SGCZ: variants seen among roughly 807,000 people sequenced by gnomAD.
The protein encoded by SGCZ is sarcoglycan zeta.
SGCZ carries 40 observed loss-of-function variants against 41.3 expected under a neutral mutation model. The ratio of observed to expected loss-of-function variants is 0.97; its 90% CI spans 0.75 to 1.26. The LOEUF (loss-of-function observed/expected upper bound fraction) is 1.26, where lower values mean the gene tolerates loss of function less well. Ranked by LOEUF, SGCZ falls within the 50% of genes most tolerant of loss-of-function variation. The probability of loss-of-function intolerance (pLI) is 0.00; values close to 1 mark genes in which losing one functional copy is unlikely to be tolerated. For missense variants in SGCZ, 552 were observed against 369.8 expected (o/e 1.49, Z -4.04); for synonymous variants, 206 against 137.5 (o/e 1.50, Z -3.49).
chr8:14,545,020 C>T (rs7822573), intron 2 of SGCZ, among the ~76,000 whole-genome samples: 7,611 of 152,184 alleles, frequency 0.05, 609 homozygotes, highest in African/African-American at 0.17. Context: ...GAAACTCAGG[C>T]GAGCATCAAG....
chr8:14,522,360 A>G (rs1185230673), intron 2 of SGCZ, among the ~76,000 whole-genome samples: 1 of 151,976 alleles, frequency 6.6e-6, no homozygotes, highest in Admixed American at 6.6e-5. Context: ...CTTCAGTGAA[A>G]TCACTTTGGA....
intron 1 of SGCZ, among the ~76,000 whole-genome samples, chr8:14,808,396 A>G (rs1801622773): frequency 1.3e-5 from 2 of 152,192 alleles, no homozygotes; most frequent in African/African-American, 2.4e-5. Context: ...AAAAAAAACA[A>G]ACAACCCCAT....
intron 1 of SGCZ, among the ~76,000 whole-genome samples, chr8:14,994,666 G>C (rs1802152787): frequency 1.3e-5 from 2 of 151,884 alleles, no homozygotes; most frequent in South Asian, 4.2e-4. Flanking sequence ...GTGTATGTGT[G>C]TGTGTATACT....
At chr8:14,367,521 G>C (rs1404814554) in intron 2 of SGCZ, among the ~76,000 whole-genome samples, 1 of 152,050 alleles carries the variant, frequency 6.6e-6, no homozygotes, top group Non-Finnish European at 1.5e-5. Flanking sequence ...ATGTTATAAA[G>C]AATAAGGGTT....
intron 1 of SGCZ, among the ~76,000 whole-genome samples, chr8:14,640,338 T>C (rs1188533537): frequency 6.6e-6 from 1 of 151,712 alleles, no homozygotes; most frequent in Non-Finnish European, 1.5e-5. Context: ...GTCAATCACT[T>C]TTAGCACTTT....
At chr8:15,059,005 CA>C (rs1563475396) in intron 1 of SGCZ, among the ~76,000 whole-genome samples, 1 of 152,016 alleles carries the variant, frequency 6.6e-6, no homozygotes, top group Non-Finnish European at 1.5e-5. Context: ...CTCTCTGGGT[CA>C]CATTTTTTAT....
chr8:14,493,016 G>A (rs1335378348), intron 2 of SGCZ, among the ~76,000 whole-genome samples: 2 of 152,050 alleles, frequency 1.3e-5, no homozygotes, highest in Non-Finnish European at 2.9e-5. Context: ...GGGCTATGGT[G>A]ACCACCTCTA....
intron 1 of SGCZ, among the ~76,000 whole-genome samples, chr8:15,069,987 A>G: frequency 6.6e-6 from 1 of 152,164 alleles, no homozygotes; most frequent in East Asian, 1.9e-4. Flanking sequence ...AGAAAGATAA[A>G]GTAATTTAGG....
chr8:15,097,765 T>TG (rs1563123709), intron 1 of SGCZ, among the ~76,000 whole-genome samples: 14 of 134,866 alleles, frequency 1.0e-4, no homozygotes, highest in African/African-American at 3.6e-4. Context: ...TATATATGTG[T>TG]TTATATATAT....
rs1799389883 is a variant in SGCZ, at chr8:14,254,372, G to A, written c.337-16693C>T. On this transcript the variant is annotated intron_variant, in intron 3 of 7. Transcript: ENST00000382080. ...TTTAAAGCATTCGCTTGTAAATTTG[G>A]GCAAATCAAATGGTGCCCTGCACTG... 1.3e-5 allele frequency among the ~76,000 whole-genome samples: 2 copies of A among 152,144 alleles called. 1 individual carries two copies. The highest frequency in any genetic ancestry group is 4.1e-4 in the South Asian group (2 of 4,826).
At chr8:14,994,532 C>A (rs1384596309) in intron 1 of SGCZ, among the ~76,000 whole-genome samples, 1 of 150,882 alleles carries the variant, frequency 6.6e-6, no homozygotes, top group Non-Finnish European at 1.5e-5. Context: ...TGCAGTGAGT[C>A]GAGATTGTGC....
intron 5 of SGCZ, among the ~76,000 whole-genome samples, chr8:14,136,408 G>C (rs888049443): frequency 6.6e-6 from 1 of 152,196 alleles, no homozygotes; most frequent in Non-Finnish European, 1.5e-5. Flanking sequence ...AAGGGAAGCA[G>C]TGACAGATGG....
chr8:15,116,872 G>C (rs190926287), intron 1 of SGCZ, among the ~76,000 whole-genome samples: 283 of 152,298 alleles, frequency 1.9e-3, no homozygotes, highest in Non-Finnish European at 3.3e-3. Flanking sequence ...CGGTGTTCTA[G>C]AAATGGTTCA....
intron 2 of SGCZ, among the ~76,000 whole-genome samples, chr8:14,504,163 C>T (rs547330634): frequency 6.6e-6 from 1 of 152,264 alleles, no homozygotes; most frequent in East Asian, 1.9e-4. Context: ...GTTGATACAA[C>T]TGAGATCTAT....
chr8:15,227,876 C>T (rs1304269486), intron 1 of SGCZ, among the ~76,000 whole-genome samples: 1 of 152,122 alleles, frequency 6.6e-6, no homozygotes, highest in Non-Finnish European at 1.5e-5. Flanking sequence ...TGAGCATGTT[C>T]ACAGATAATT....
At chr8:15,236,063 T>G (rs557694341) in intron 1 of SGCZ, among the ~76,000 whole-genome samples, 125 of 152,068 alleles carry the variant, frequency 8.2e-4, no homozygotes, top group Non-Finnish European at 1.5e-3. Context: ...ACACAGAAAC[T>G]TGTTGGCCAA....
chr8:14,364,390 T>A (rs193154517), intron 2 of SGCZ, among the ~76,000 whole-genome samples: 1 of 152,172 alleles, frequency 6.6e-6, no homozygotes, highest in Non-Finnish European at 1.5e-5. Flanking sequence ...GAATTATTAA[T>A]AAATCATGGG....
intron 1 of SGCZ, among the ~76,000 whole-genome samples, chr8:14,825,650 C>A (rs1045542629): frequency 6.6e-6 from 1 of 152,110 alleles, no homozygotes; most frequent in Admixed American, 6.6e-5. Flanking sequence ...CTTAGTACAA[C>A]GGAACTTGCT....
intron 1 of SGCZ, among the ~76,000 whole-genome samples, chr8:14,692,782 A>G (rs530040432): frequency 6.6e-5 from 10 of 152,340 alleles, no homozygotes; most frequent in Admixed American, 2.0e-4. Context: ...GTTCAGAGTT[A>G]GTAATAATGG....
Sources: gnomAD v4.1 joint callset for allele counts (sites outside exome capture counted in the v4.1 genomes callset) on GRCh38, gnomAD v4.1.1 for gene constraint, MANE v1.5 for transcripts, NCBI Gene and HGNC (gene_info 2026-07-23, HGNC 2026-07-21) for gene names.